CYP39A1: variants seen among roughly 807,000 people sequenced by gnomAD.
CYP39A1 encodes 24-hydroxycholesterol 7-alpha-hydroxylase.
A neutral mutation model predicts 58.1 loss-of-function variants in CYP39A1; 49 were observed. The observed-to-expected ratio is 0.84, with a 90% confidence interval of 0.67 to 1.07. CYP39A1 has a LOEUF of 1.07. Among genes scored for constraint, CYP39A1 ranks in the 50% least tolerant of loss-of-function variants. The probability of loss-of-function intolerance (pLI) is 0.00; values close to 1 mark genes in which losing one functional copy is unlikely to be tolerated. For synonymous variants in CYP39A1, 209 were observed against 187.6 expected (o/e 1.11, Z -0.93); for missense variants, 531 against 539.4 (o/e 0.98, Z 0.16).
intron 7 of CYP39A1, among the ~76,000 whole-genome samples, chr6:46,599,841 A>G (rs1773382215): frequency 6.6e-6 from 1 of 152,150 alleles, no homozygotes; most frequent in Non-Finnish European, 1.5e-5. Context: ...TCAAAGCAAC[A>G]CTGGCCTACA....
chr6:46,616,819 G>A (rs981858187), intron 7 of CYP39A1, among the ~76,000 whole-genome samples: 4 of 152,136 alleles, frequency 2.6e-5, no homozygotes, highest in African/African-American at 9.7e-5. Context: ...AGTCTCTGAG[G>A]CCATTTGAAG....
intron 11 of CYP39A1, among the ~76,000 whole-genome samples, chr6:46,551,369 G>GA (rs200719212): frequency 0.018 from 1,762 of 100,190 alleles, 26 homozygotes; most frequent in Middle Eastern, 0.078. Context: ...AAAGTAAAAT[G>GA]AAAAAAAAAA....
At chr6:46,577,962 C>T (rs1200321995) in intron 10 of CYP39A1, among the ~76,000 whole-genome samples, 1 of 152,046 alleles carries the variant, frequency 6.6e-6, no homozygotes, top group Non-Finnish European at 1.5e-5. Context: ...CTCTACCCAA[C>T]AACAGAATAT....
chr6:46,584,542 A>T (rs1772344480), intron 10 of CYP39A1, among the ~76,000 whole-genome samples: 1 of 152,150 alleles, frequency 6.6e-6, no homozygotes, highest in Admixed American at 6.6e-5. Flanking sequence ...ATAACCATAT[A>T]ACCTAAGTCA....
At chr6:46,564,099 GTAT>G (rs1771131742) in intron 10 of CYP39A1, among the ~76,000 whole-genome samples, 1 of 103,860 alleles carries the variant, frequency 9.6e-6, no homozygotes, top group Admixed American at 1.1e-4. Context: ...TTTTTATTTT[GTAT>G]TTTTTTTATT....
intron 10 of CYP39A1, among the ~76,000 whole-genome samples, chr6:46,558,340 T>C (rs1463972691): frequency 6.6e-6 from 1 of 152,136 alleles, no homozygotes; most frequent in Non-Finnish European, 1.5e-5. Flanking sequence ...CTTGCAATCA[T>C]GGCAGAAGGT....
chr6:46,601,574 C>T (rs937380855), intron 7 of CYP39A1, among the ~76,000 whole-genome samples: 1 of 152,066 alleles, frequency 6.6e-6, no homozygotes, highest in African/African-American at 2.4e-5. Flanking sequence ...ACAGAAAGTA[C>T]GTGCCCACAA....
At position 46,577,835 on chromosome 6, in the gene CYP39A1, A is replaced by T. The variant is rs1771922184; in HGVS notation, c.1250+9242T>A. 2.6e-5 allele frequency among the ~76,000 whole-genome samples: 4 copies of T among 152,266 alleles called. No individual in the cohort carries two copies. In the South Asian group the frequency reaches 8.3e-4, roughly 32 times the overall value. On this transcript the variant is annotated intron_variant, in intron 10 of 11. Coordinates refer to ENST00000275016, the MANE Select transcript of CYP39A1 (RefSeq NM_016593.5). ...ACATACCACACAATAATAGTGGGAGACTTTAACAACACACTGACAGTGTCA... is the reference window on the plus strand; with the variant it reads ...ACATACCACACAATAATAGTGGGAGTCTTTAACAACACACTGACAGTGTCA...
rs41273654 is a variant in CYP39A1 at position 46,596,067 on chromosome 6, T to G, written c.985A>C (p.Lys329Gln). 10,759 of 1,611,320 alleles carry G rather than the reference T, an allele frequency of 6.7e-3. 60 individuals are homozygous for G. The highest frequency in any genetic ancestry group is 8.3e-3 in the Non-Finnish European group (9,724 of 1,178,276). The change falls in exon 8 of 12, where the codon AAA (lysine) becomes CAA (glutamine). Residue 329 changes from lysine (K) to glutamine (Q), a missense_variant. Physicochemically the swap from Lys to Gln is moderately conservative, Grantham distance 53. Transcript: ENST00000275016. ...CGAATGGTTTCCAAAACACACCATT[T>G]AATTAGAAGGAGATTCTCCAGGTCA... Reference protein sequence around the residue: ...EDDLENLLLIKWCVLETIRLK... With the variant: ...EDDLENLLLIQWCVLETIRLK...
intron 10 of CYP39A1, among the ~76,000 whole-genome samples, chr6:46,567,349 T>C (rs1771346629): frequency 6.6e-6 from 1 of 152,124 alleles, no homozygotes; most frequent in South Asian, 2.1e-4. Flanking sequence ...TATATATATA[T>C]ATAACTTTTT....
chr6:46,608,941 T>C (rs973355652), intron 7 of CYP39A1, among the ~76,000 whole-genome samples: 1 of 152,128 alleles, frequency 6.6e-6, no homozygotes, highest in Non-Finnish European at 1.5e-5. Flanking sequence ...CAGTTATTTA[T>C]AGATAGCGAG....
rs73471118 is a variant in CYP39A1 at position 46,631,120 on chromosome 6, C to T, written c.733-50G>A. ...CAAACCATGGCTATGTGACAAATAT[C>T]GATGTTAATAAACAAGAGATCATGC... On this transcript the variant is annotated intron_variant, in intron 5 of 11. Coordinates refer to ENST00000275016, the MANE Select transcript of CYP39A1 (RefSeq NM_016593.5). 9.6e-3 allele frequency: 12,651 copies of T among 1,323,770 alleles called. 750 individuals carry two copies. In the African/African-American group the frequency reaches 0.14, roughly 15 times the overall value. 82.0% of individuals were successfully genotyped at this position (1,323,770 alleles called of 1,614,324 possible).
At chr6:46,622,310 T>C (rs1361025042) in intron 7 of CYP39A1, among the ~76,000 whole-genome samples, 1 of 152,048 alleles carries the variant, frequency 6.6e-6, no homozygotes. Context: ...TTTGAAAGGA[T>C]AAATTTTATG....
rs148421772 is a variant in CYP39A1 at position 46,632,954 on chromosome 6, A to G, written c.733-1884T>C. Among the ~76,000 whole-genome samples, 34 of 152,340 alleles carry G rather than the reference A, an allele frequency of 2.2e-4. No homozygotes were observed. In the East Asian group the frequency reaches 6.4e-3, roughly 28 times the overall value. ...AAAACTATTCAATCACTAGCCTATA[A>G]AATACATTATAAAATAGAGACTGAT... On this transcript the variant is annotated intron_variant, in intron 5 of 11. Coordinates refer to ENST00000275016, the MANE Select transcript of CYP39A1 (RefSeq NM_016593.5).
intron 10 of CYP39A1, among the ~76,000 whole-genome samples, chr6:46,578,908 T>A (rs1028988596): frequency 4.1e-4 from 62 of 152,128 alleles, no homozygotes; most frequent in African/African-American, 1.3e-3. Context: ...AAATTATTGG[T>A]ACTGAAATTA....
At chr6:46,652,283 C>A in intron 1 of CYP39A1, 123 bp downstream of exon 1, 3 of 954,636 alleles carry the variant, frequency 3.1e-6, no homozygotes, top group Non-Finnish European at 4.5e-6. Context: ...TGACTAGATC[C>A]TTTAGTTGAG....
intron 8 of CYP39A1, among the ~76,000 whole-genome samples, chr6:46,588,902 A>G (rs188291414): frequency 6.6e-6 from 1 of 152,228 alleles, no homozygotes; most frequent in East Asian, 1.9e-4. Context: ...CTATACAAAG[A>G]ACTAAAACCC....
At chr6:46,579,090 A>G (rs1305998235) in intron 10 of CYP39A1, among the ~76,000 whole-genome samples, 1 of 152,068 alleles carries the variant, frequency 6.6e-6, no homozygotes, top group African/African-American at 2.4e-5. Context: ...GATTTCAGCC[A>G]TATACCAAAA....
At position 46,625,472 on chromosome 6, in the gene CYP39A1, G is replaced by A; in HGVS notation, c.877C>T (p.Pro293Ser). The A allele has an allele frequency of 6.2e-7, 1 of 1,610,872 alleles. No individual in the cohort carries two copies. ...TCCATAATGGCCTTGTGGATATCAG[G>A]ATGAGAAAGGACGTATGCAAGTGTC... Reference protein sequence around the residue: ...FWTLAYVLSHPDIHKAIMEGI... With the variant: ...FWTLAYVLSHSDIHKAIMEGI... Residue 293 changes from proline (P) to serine (S), a missense_variant, in exon 7 of 12, where the codon CCT becomes TCT. Pro to Ser is a moderately conservative substitution (Grantham distance 74). Transcript: ENST00000275016.
Sources: allele counts gnomAD v4.1 joint callset (sites outside exome capture counted in the v4.1 genomes callset), GRCh38; gene constraint gnomAD v4.1.1; transcripts MANE v1.5; gene names NCBI Gene and HGNC (gene_info 2026-07-23, HGNC 2026-07-21).